STAM: variants seen among roughly 807,000 people sequenced by gnomAD.
STAM encodes signal transducing adaptor molecule.
STAM carries 16 observed loss-of-function variants against 63.4 expected under a neutral mutation model. The observed-to-expected ratio is 0.25, with a 90% CI of 0.17 to 0.38. STAM has a LOEUF of 0.38. STAM is among the 10% of genes least tolerant of loss of function. The pLI is 1.00. For missense variants in STAM, 636 were observed against 657.1 expected (o/e 0.97, Z 0.35); for synonymous variants, 238 against 223.9 (o/e 1.06, Z -0.56).
At chr10:17,670,706 C>T (rs1834602649) in intron 2 of STAM, among the ~76,000 whole-genome samples, 1 of 151,958 alleles carries the variant, frequency 6.6e-6, no homozygotes, top group South Asian at 2.1e-4. Flanking sequence ...TCCTTTGGGA[C>T]TTACATGAAC....
chr10:17,668,310 C>T (rs1834482210), intron 2 of STAM, among the ~76,000 whole-genome samples: 1 of 152,164 alleles, frequency 6.6e-6, no homozygotes, highest in African/African-American at 2.4e-5. Context: ...GAAATGAATG[C>T]ACATTGCTTA....
chr10:17,670,139 A>T (rs1834576646), intron 2 of STAM, among the ~76,000 whole-genome samples: 1 of 152,144 alleles, frequency 6.6e-6, no homozygotes, highest in South Asian at 2.1e-4. Context: ...GAGAATTGGG[A>T]TAACAACAGA....
Position 17,688,138 on chromosome 10 carries a change from G to T in STAM, c.409G>T (p.Glu137Ter). Residue 137 changes from glutamate (E) to a stop codon, truncating the protein, a stop_gained, in exon 5 of 14, where the codon GAA becomes TAA. Coordinates refer to ENST00000377524, the MANE Select transcript of STAM (RefSeq NM_003473.4). LOFTEE classifies it high-confidence loss of function. ...ATCAGCAATGATTAAGAACCTTAAG[G>T]AACAAGGAGTTACGTTCCCAGCTAT... ...LISAMIKNLK[E>*]QGVTFPAIGS... is the part of the protein sequence containing the mutation. The T allele has an allele frequency of 6.3e-7, 1 of 1,587,032 alleles. No individual in the cohort carries two copies. Among genetic ancestry groups the T allele is most frequent in the South Asian group, 1.2e-5 (1 of 85,142 alleles).
intron 13 of STAM, among the ~76,000 whole-genome samples, chr10:17,710,403 C>G (rs1193728007): frequency 6.6e-6 from 1 of 152,198 alleles, no homozygotes; most frequent in African/African-American, 2.4e-5. Context: ...CCCAACCCTA[C>G]CCATAGAGTG....
intron 2 of STAM, chr10:17,673,178 C>G (rs1554824268): frequency 3.8e-6 from 1 of 260,922 alleles, no homozygotes; most frequent in Non-Finnish European, 6.0e-6. Flanking sequence ...TGCCACCCGT[C>G]TCTTCTCACA....
chr10:17,710,616 CTG>C (rs1406473583), intron 13 of STAM, among the ~76,000 whole-genome samples: 1 of 152,176 alleles, frequency 6.6e-6, no homozygotes, highest in African/African-American at 2.4e-5. Flanking sequence ...TGTCAGAGGA[CTG>C]TGTGTGTACT....
At chr10:17,707,883 T>G (rs1052071525) in intron 12 of STAM, among the ~76,000 whole-genome samples, 46 of 152,090 alleles carry the variant, frequency 3.0e-4, no homozygotes, top group African/African-American at 1.0e-3. Context: ...TTGCCTGTTT[T>G]TTTTTTTTTT....
In STAM at chr10:17,714,743, A is replaced by C. The variant is rs1589124623; in HGVS notation, c.1586A>C (p.Gln529Pro). The change falls in exon 14 of 14, where the codon CAG becomes CCG. Residue 529 changes from glutamine to proline, a missense_variant. Around this residue, in one of 3 missense-constraint regions of STAM, gnomAD observed 532 missense variants for 536.9 expected, o/e 0.99. Coordinates refer to ENST00000377524, the MANE Select transcript of STAM (RefSeq NM_003473.4). ...CCCGGAGGCAGCCAACAGCCACCTC[A>C]GCCACAGCAACCATATTCTCAGAAG... ...PQPGGSQQPP[Q>P]PQQPYSQKAL... is the part of the protein sequence containing the mutation. 1 of 1,614,096 alleles carries C rather than the reference A, an allele frequency of 6.2e-7. No homozygotes were observed. The highest frequency in any genetic ancestry group is 8.5e-7 in the Non-Finnish European group (1 of 1,180,016).
chr10:17,693,346 A>T (rs782278047), intron 6 of STAM, 34 bp downstream of exon 6: 9 of 1,500,532 alleles, frequency 6.0e-6, no homozygotes, highest in Non-Finnish European at 6.3e-6. Context: ...TGGGAATAAC[A>T]TAAGCCTTTA....
chr10:17,692,750 A>G (rs782677115), intron 5 of STAM, among the ~76,000 whole-genome samples: 1 of 152,170 alleles, frequency 6.6e-6, no homozygotes, highest in Non-Finnish European at 1.5e-5. Context: ...ATCGTTTTAT[A>G]TATATATCTG....
At chr10:17,667,947 T>C (rs1409340674) in intron 2 of STAM, among the ~76,000 whole-genome samples, 1 of 152,168 alleles carries the variant, frequency 6.6e-6, no homozygotes, top group Non-Finnish European at 1.5e-5. Flanking sequence ...CAGAGTGAGT[T>C]AGAAAAATAG....
chr10:17,669,476 A>G (rs1189315323), intron 2 of STAM, among the ~76,000 whole-genome samples: 3 of 151,324 alleles, frequency 2.0e-5, no homozygotes, highest in African/African-American at 7.3e-5. Flanking sequence ...AAATTGGCCT[A>G]GTTTTAAATT....
At chr10:17,662,317 T>C (rs537496190) in intron 2 of STAM, among the ~76,000 whole-genome samples, 1 of 152,208 alleles carries the variant, frequency 6.6e-6, no homozygotes, top group Non-Finnish European at 1.5e-5. Context: ...TTCTTGAGGA[T>C]GGAATGTTTT....
At chr10:17,655,425 C>T (rs1222422834) in intron 1 of STAM, among the ~76,000 whole-genome samples, 5 of 152,092 alleles carry the variant, frequency 3.3e-5, no homozygotes, top group Admixed American at 6.5e-5. Context: ...AGGTACCCTA[C>T]CTAACCAATA....
chr10:17,675,013 GA>G (rs1834788184), intron 2 of STAM, among the ~76,000 whole-genome samples: 1 of 152,096 alleles, frequency 6.6e-6, no homozygotes. Flanking sequence ...TTTTGACATG[GA>G]AAAAATTGTT....
intron 5 of STAM, among the ~76,000 whole-genome samples, chr10:17,689,924 G>T (rs1284792589): frequency 6.6e-6 from 1 of 152,210 alleles, no homozygotes; most frequent in African/African-American, 2.4e-5. Flanking sequence ...CTAGAGGACA[G>T]CCTTCAGTGC....
intron 2 of STAM, among the ~76,000 whole-genome samples, chr10:17,664,991 ATAT>A (rs2131590592): frequency 6.6e-6 from 1 of 152,276 alleles, no homozygotes; most frequent in East Asian, 1.9e-4. Context: ...GAAATAATTC[ATAT>A]TATTTTAACC....
intron 2 of STAM, among the ~76,000 whole-genome samples, chr10:17,664,711 T>C (rs1554823218): frequency 6.6e-6 from 1 of 152,120 alleles, no homozygotes; most frequent in Non-Finnish European, 1.5e-5. Flanking sequence ...GTAGAGTCTT[T>C]TGAAGTAGAG....
intron 2 of STAM, among the ~76,000 whole-genome samples, chr10:17,675,186 A>T (rs1248556211): frequency 6.6e-6 from 1 of 152,200 alleles, no homozygotes; most frequent in Admixed American, 6.5e-5. Flanking sequence ...GTTTATGAAC[A>T]TTCATAAAAG....
Sources: allele counts gnomAD v4.1 joint callset (sites outside exome capture counted in the v4.1 genomes callset), GRCh38; gene constraint gnomAD v4.1.1; regional missense constraint gnomAD v4.1.1; transcripts MANE v1.5; gene names NCBI Gene and HGNC (gene_info 2026-07-23, HGNC 2026-07-21).